The following SULT4A1 variants were observed in gnomAD, a reference collection of about 807,000 sequenced individuals.
SULT4A1 encodes the protein sulfotransferase family 4A member 1.
Under a neutral mutation model 35.2 loss-of-function variants are expected in SULT4A1, and 11 were observed. The observed-to-expected ratio is 0.31, with a 90% confidence interval of 0.20 to 0.52. The LOEUF is 0.52. Ranked by LOEUF, SULT4A1 falls within the 20% of genes least tolerant of loss-of-function variation. SULT4A1 has a pLI of 0.97. For missense variants in SULT4A1, 271 were observed against 383.7 expected, an observed-to-expected ratio of 0.71 and a Z score of 2.45; for synonymous variants, 152 against 151.8, an observed-to-expected ratio of 1.00 and a Z score of -0.01.
chr22:43,833,782 C>T (rs374328760), intron 4 of SULT4A1, 48 bp from the exon 5 acceptor site: 13 of 1,492,588 alleles, frequency 8.7e-6, no homozygotes, highest in African/African-American at 7.0e-5. Context: ...GCAGGAGAAG[C>T]GCACACATGG....
At chr22:43,839,036 C>G in intron 3 of SULT4A1, 43 bp from the exon 4 acceptor site, 2 of 1,607,090 alleles carry the variant, frequency 1.2e-6, no homozygotes, top group Middle Eastern at 1.7e-4. Context: ...CTCCTTCCCT[C>G]CCAGGCAGGG....
chr22:43,838,986 T>C lies in SULT4A1; in HGVS notation c.389A>G (p.Tyr130Cys), dbSNP rs768874631. ...DLHNGDSKVI[Y>C]MARNPKDLVV... ...CAGATCCTTGGGGTTGCGAGCCATA[T>C]AGATGACCTGTGGGTGACAGGAGCA... Residue 130 changes from tyrosine to cysteine, a missense_variant, in exon 4 of 7, where the codon TAT becomes TGT. By Grantham distance (194) the Tyr-to-Cys change is radical. This residue lies in a region of SULT4A1 where 164 missense variants were observed against 254.1 expected (regional missense o/e 0.65). Transcript: ENST00000330884. 2.5e-6 allele frequency: 4 copies of C among 1,614,052 alleles called. No individual in the cohort carries two copies. In the South Asian group the frequency reaches 4.4e-5, roughly 18 times the overall value.
chr22:43,842,235 G>C (rs1396766777), intron 1 of SULT4A1, among the ~76,000 whole-genome samples: 3 of 152,198 alleles, frequency 2.0e-5, no homozygotes, highest in Admixed American at 2.0e-4. Flanking sequence ...TAACAGGTGG[G>C]TGACTCGGCC....
intron 1 of SULT4A1, among the ~76,000 whole-genome samples, chr22:43,845,114 T>A (rs1366947465): frequency 6.6e-6 from 1 of 152,196 alleles, no homozygotes. Context: ...TCACCTTGTC[T>A]GACCTCCCAG....
intron 5 of SULT4A1, among the ~76,000 whole-genome samples, chr22:43,831,706 T>C (rs2063327079): frequency 6.6e-6 from 1 of 152,038 alleles, no homozygotes. Context: ...GCAAAACCCA[T>C]GCGAGTTCCA....
intron 1 of SULT4A1, among the ~76,000 whole-genome samples, chr22:43,853,094 C>T (rs2049360214): frequency 6.6e-6 from 1 of 151,880 alleles, no homozygotes; most frequent in African/African-American, 2.4e-5. Flanking sequence ...CTCCTCCAAA[C>T]ACAGCACGCA....
At chr22:43,859,730 A>C (rs557615540) in intron 1 of SULT4A1, among the ~76,000 whole-genome samples, 2 of 152,382 alleles carry the variant, frequency 1.3e-5, no homozygotes, top group African/African-American at 4.8e-5. Flanking sequence ...GCTGTGCAGC[A>C]GAACTTTCAG....
intron 2 of SULT4A1, among the ~76,000 whole-genome samples, chr22:43,841,057 C>T (rs2063423348): frequency 6.6e-6 from 1 of 152,262 alleles, no homozygotes; most frequent in Admixed American, 6.5e-5. Context: ...GCCCCCAATG[C>T]CAAGAGCAGT....
chr22:43,860,333 G>A (rs900270744), intron 1 of SULT4A1, among the ~76,000 whole-genome samples: 1 of 152,184 alleles, frequency 6.6e-6, no homozygotes, highest in Non-Finnish European at 1.5e-5. Context: ...GGCCCTCTCG[G>A]CTTCCCCAGC....
chr22:43,845,039 G>A (rs1002370616), intron 1 of SULT4A1, among the ~76,000 whole-genome samples: 4 of 152,172 alleles, frequency 2.6e-5, no homozygotes, highest in African/African-American at 4.8e-5. Flanking sequence ...GCGGCCCTCT[G>A]CGCCTTCTCC....
At chr22:43,856,600 A>G (rs1242363746) in intron 1 of SULT4A1, among the ~76,000 whole-genome samples, 1 of 152,224 alleles carries the variant, frequency 6.6e-6, no homozygotes, top group East Asian at 1.9e-4. Context: ...CAGGGGCAAG[A>G]GTGTGCAGAC....
At chr22:43,842,581 C>T (rs1000368215) in intron 1 of SULT4A1, among the ~76,000 whole-genome samples, 1 of 152,146 alleles carries the variant, frequency 6.6e-6, no homozygotes, top group Admixed American at 6.5e-5. Context: ...CCAAGCCCCA[C>T]AGATAGGATG....
chr22:43,839,322 G>A lies in SULT4A1; in HGVS notation c.382-329C>T, dbSNP rs376123572. Among the ~76,000 whole-genome samples, 41 of 152,348 alleles carry A rather than the reference G, an allele frequency of 2.7e-4. No individual in the cohort carries two copies. In the South Asian group the frequency reaches 6.6e-3, roughly 25 times the overall value. On this transcript the variant is annotated intron_variant, in intron 3 of 6. Coordinates refer to ENST00000330884, the MANE Select transcript of SULT4A1 (RefSeq NM_014351.4). The stretch of plus-strand genomic sequence containing the variant: ...AGAACACAGGCCTCTGGCCGGGTGC[G>A]GTGGCTCGCATCTGTAATCCCAGCA...
At chr22:43,857,707 G>A (rs2049417854) in intron 1 of SULT4A1, among the ~76,000 whole-genome samples, 1 of 152,086 alleles carries the variant, frequency 6.6e-6, no homozygotes, top group Admixed American at 6.6e-5. Context: ...GAGGAAAACA[G>A]GCACATTACC....
chr22:43,856,568 A>T (rs968181839), intron 1 of SULT4A1, among the ~76,000 whole-genome samples: 1 of 152,202 alleles, frequency 6.6e-6, no homozygotes, highest in African/African-American at 2.4e-5. Context: ...GTAACAGATA[A>T]CAGCAGAGTC....
chr22:43,836,194 CG>C (rs2063371582), intron 4 of SULT4A1, among the ~76,000 whole-genome samples: 18 of 85,452 alleles, frequency 2.1e-4, no homozygotes, highest in African/African-American at 5.5e-4. Flanking sequence ...CAGCGTCCTC[CG>C]ACTGCAGGTG....
At chr22:43,839,918 C>T (rs368575589) in intron 3 of SULT4A1, 27 bp downstream of exon 3, 37 of 1,586,742 alleles carry the variant, frequency 2.3e-5, no homozygotes, top group Non-Finnish European at 2.4e-5. Context: ...GGACTCATCT[C>T]GGGAGGCAGA....
rs112152211 is a variant in SULT4A1, at chr22:43,835,505, C to T, written c.509-1771G>A. 1.2e-3 allele frequency among the ~76,000 whole-genome samples: 185 copies of T among 152,316 alleles called. 1 individual carries two copies. The highest frequency in any genetic ancestry group is 4.1e-3 in the African/African-American group (169 of 41,570). ...TCCCACGGAGGAGCTGCACCCACAT[C>T]CCACCAAAACCTCCAATTTCTGCAG... On this transcript the variant is annotated intron_variant, in intron 4 of 6. Transcript: ENST00000330884.
chr22:43,848,417 A>G (rs2063489783), intron 1 of SULT4A1, among the ~76,000 whole-genome samples: 1 of 152,260 alleles, frequency 6.6e-6, no homozygotes, highest in South Asian at 2.1e-4. Flanking sequence ...TCCACAGCAC[A>G]GGACCGGACC....
Sources: gnomAD v4.1 joint callset for allele counts (sites outside exome capture counted in the v4.1 genomes callset) on GRCh38, gnomAD v4.1.1 for gene constraint, gnomAD v4.1.1 regional missense constraint, MANE v1.5 for transcripts, NCBI Gene and HGNC (gene_info 2026-07-23, HGNC 2026-07-21) for gene names.